CHRM3: variants seen among roughly 807,000 people sequenced by gnomAD.
CHRM3 encodes the protein cholinergic receptor muscarinic 3.
Under a neutral mutation model 41.8 loss-of-function variants are expected in CHRM3, and 11 were observed. The ratio of observed to expected loss-of-function variants is 0.26; its 90% CI spans 0.17 to 0.44. CHRM3 has a LOEUF of 0.44. Ranked by LOEUF, CHRM3 falls within the 20% of genes least tolerant of loss-of-function variation. The probability of loss-of-function intolerance (pLI) is 1.00; values close to 1 mark genes in which losing one functional copy is unlikely to be tolerated. For missense variants in CHRM3, 571 were observed against 745.4 expected (o/e 0.77, Z 2.72); for synonymous variants, 297 against 301.4 (o/e 0.99, Z 0.15).
At chr1:239,568,216 G>T (rs1048976846) in intron 3 of CHRM3, among the ~76,000 whole-genome samples, 4 of 152,092 alleles carry the variant, frequency 2.6e-5, no homozygotes, top group African/African-American at 7.2e-5. Flanking sequence ...ATATGGTTTG[G>T]CTGTGTCCCC....
At chr1:239,517,812 G>A (rs1160093661) in intron 2 of CHRM3, among the ~76,000 whole-genome samples, 2 of 152,124 alleles carry the variant, frequency 1.3e-5, no homozygotes, top group Non-Finnish European at 2.9e-5. Context: ...GGTGAACCGG[G>A]AATAAATAAT....
chr1:239,730,511 G>C (rs1203243290), intron 5 of CHRM3: 1 of 152,046 alleles, frequency 6.6e-6, no homozygotes, highest in East Asian at 1.9e-4. Context: ...TATTCTATCA[G>C]AGCCTCAAAG....
chr1:239,799,664 T>G (rs1466726727), intron 5 of CHRM3, among the ~76,000 whole-genome samples: 1 of 152,218 alleles, frequency 6.6e-6, no homozygotes, highest in Non-Finnish European at 1.5e-5. Context: ...TATTGCTTTT[T>G]GTGCCATGAC....
chr1:239,457,390 A>G (rs1033090519), intron 1 of CHRM3, among the ~76,000 whole-genome samples: 1 of 152,142 alleles, frequency 6.6e-6, no homozygotes, highest in Non-Finnish European at 1.5e-5. Flanking sequence ...TATACAGTTT[A>G]CACTCCAGAA....
intron 1 of CHRM3, among the ~76,000 whole-genome samples, chr1:239,445,635 G>A (rs917010353): frequency 2.0e-5 from 3 of 152,134 alleles, no homozygotes; most frequent in African/African-American, 7.2e-5. Context: ...TAGGAATGTG[G>A]TTAACGATAG....
chr1:239,407,415 T>TAG (rs1180680401), intron 1 of CHRM3, among the ~76,000 whole-genome samples: 35 of 106,034 alleles, frequency 3.3e-4, no homozygotes, highest in Admixed American at 1.8e-3. Flanking sequence ...AATATATATA[T>TAG]ATAGAGAGAG....
intron 5 of CHRM3, among the ~76,000 whole-genome samples, chr1:239,746,233 C>T (rs1288068833): frequency 1.3e-5 from 2 of 152,160 alleles, no homozygotes; most frequent in African/African-American, 4.8e-5. Flanking sequence ...GGTAACTCTT[C>T]GTAATTAAAA....
intron 5 of CHRM3, among the ~76,000 whole-genome samples, chr1:239,807,028 T>C (rs576731054): frequency 2.9e-4 from 44 of 152,326 alleles, no homozygotes; most frequent in African/African-American, 9.1e-4. Context: ...AATGAAAATT[T>C]CCATTAATAT....
At chr1:239,625,075 G>A (rs1280599455) in intron 3 of CHRM3, among the ~76,000 whole-genome samples, 1 of 57,188 alleles carries the variant, frequency 1.7e-5, no homozygotes, top group African/African-American at 1.0e-4. Flanking sequence ...CATTGAATCT[G>A]TAAATTACCT....
At chr1:239,684,750 G>GAA (rs71871816) in intron 5 of CHRM3, among the ~76,000 whole-genome samples, 3 of 111,432 alleles carry the variant, frequency 2.7e-5, no homozygotes, top group African/African-American at 8.7e-5. Context: ...GAAAGAAAGA[G>GAA]AAAGAAAGAA....
chr1:239,617,896 A>C (rs559254865), intron 3 of CHRM3, among the ~76,000 whole-genome samples: 1 of 152,136 alleles, frequency 6.6e-6, no homozygotes, highest in Admixed American at 6.5e-5. Flanking sequence ...GTGCCCCTGG[A>C]GGTTCCTTTT....
At chr1:239,397,054 G>C (rs1022405280) in intron 1 of CHRM3, among the ~76,000 whole-genome samples, 7 of 152,112 alleles carry the variant, frequency 4.6e-5, no homozygotes, top group African/African-American at 1.7e-4. Flanking sequence ...CTAGACTTCG[G>C]ATCTGTAACA....
chr1:239,643,530 C>T (rs751176527), intron 4 of CHRM3, among the ~76,000 whole-genome samples: 1 of 152,186 alleles, frequency 6.6e-6, no homozygotes, highest in African/African-American at 2.4e-5. Flanking sequence ...GACTGCTGTG[C>T]TAGTAATCAG....
In CHRM3 at chr1:239,907,303, T is replaced by C. The variant is rs3738435; in HGVS notation, c.-19-130T>C. The C allele has an allele frequency of 0.22, 141,463 of 640,720 alleles. 16,321 individuals carry two copies. Among genetic ancestry groups the C allele is most frequent in the East Asian group, 0.33 (11,906 of 36,414 alleles). 39.7% of individuals were successfully genotyped at this position (640,720 alleles called of 1,614,324 possible). ...CTTATTTAAAATAAGAGAATGAACT[T>C]GATGTTTGGCTTCATAGAGATTCAG... On this transcript the variant is annotated intron_variant, in intron 6 of 6. Transcript: ENST00000676153. The surrounding 1 kb of genome is among the most constrained non-coding windows in gnomAD (Gnocchi z 5.4).
chr1:239,640,988 A>G (rs1186931858), intron 4 of CHRM3, among the ~76,000 whole-genome samples: 39 of 151,720 alleles, frequency 2.6e-4, no homozygotes, highest in Non-Finnish European at 7.4e-5. Flanking sequence ...TTGGTTTCAA[A>G]GAACATCTTT....
At chr1:239,807,686 C>T (rs919876762) in intron 5 of CHRM3, among the ~76,000 whole-genome samples, 13 of 152,192 alleles carry the variant, frequency 8.5e-5, no homozygotes, top group African/African-American at 3.1e-4. Flanking sequence ...TTGATCTTTA[C>T]ATGCTCTGTT....
intron 3 of CHRM3, among the ~76,000 whole-genome samples, chr1:239,600,603 T>C (rs991677336): frequency 6.6e-6 from 1 of 152,048 alleles, no homozygotes; most frequent in Non-Finnish European, 1.5e-5. Flanking sequence ...GCTTGAGAAA[T>C]AGGAATTGAC....
At chr1:239,413,215 C>A (rs1354404464) in intron 1 of CHRM3, among the ~76,000 whole-genome samples, 1 of 152,118 alleles carries the variant, frequency 6.6e-6, no homozygotes. Flanking sequence ...TTTGGCCCAA[C>A]AAGGCAAGCT....
chr1:239,764,313 A>C (rs1202547259), intron 5 of CHRM3, among the ~76,000 whole-genome samples: 1 of 152,180 alleles, frequency 6.6e-6, no homozygotes, highest in Non-Finnish European at 1.5e-5. Context: ...GGGAATATTG[A>C]CACTAGTTCG....
Sources: allele counts gnomAD v4.1 joint callset (sites outside exome capture counted in the v4.1 genomes callset), GRCh38; gene constraint gnomAD v4.1.1; non-coding constraint Gnocchi (gnomAD v3.1); transcripts MANE v1.5; gene names NCBI Gene and HGNC (gene_info 2026-07-23, HGNC 2026-07-21).